The following DOK4 variants were observed in gnomAD, a reference collection of about 807,000 sequenced individuals.
DOK4 encodes the protein docking protein 4.
A neutral mutation model predicts 40.1 loss-of-function variants in DOK4; 26 were observed. The observed-to-expected ratio is 0.65, with a 90% CI of 0.48 to 0.90. The LOEUF (loss-of-function observed/expected upper bound fraction) is 0.90. Ranked by LOEUF, DOK4 falls within the 40% of genes least tolerant of loss-of-function variation. The probability of loss-of-function intolerance (pLI) is 0.00; values close to 1 mark genes in which losing one functional copy is unlikely to be tolerated. For missense variants in DOK4, 392 were observed against 437.2 expected, an observed-to-expected ratio of 0.90 and a Z score of 0.92; for synonymous variants, 179 against 177.0, an observed-to-expected ratio of 1.01 and a Z score of -0.09.
chr16:57,472,902 GCAGT>G (rs781544766), exon 9 of DOK4: 3 of 158,264 alleles, frequency 1.9e-5, no homozygotes, highest in Non-Finnish European at 2.8e-5. Flanking sequence ...GGAAAAGCCA[GCAGT>G]CAGAGTGCCA....
At chr16:57,486,498 C>G (rs1488768766), upstream of DOK4, 1 of 151,068 alleles carries the variant, frequency 6.6e-6, no homozygotes, top group Non-Finnish European at 1.5e-5. Context: ...GACTCCGCTC[C>G]GCTCCCCCCT....
chr16:57,475,205 C>T (rs1412025744), exon 5 of DOK4: 1 of 1,613,484 alleles, frequency 6.2e-7, no homozygotes, highest in Non-Finnish European at 8.5e-7. Context: ...TTGTACCACT[C>T]CTCTGCCTCT....
chr16:57,475,834 GC>G lies in DOK4; in HGVS notation c.174+15del. 1 of 1,604,214 alleles carries G rather than the reference GC, an allele frequency of 6.2e-7. No individual in the cohort carries two copies. The stretch of plus-strand genomic sequence containing the variant: ...AGCCCTGCCACTTGGGGGAGCTAGG[GC>G]CCAGGCCTCCTAACCTTGGGGCAGC... On this transcript the variant is annotated intron_variant, in intron 3 of 8. Coordinates refer to ENST00000340099, the Ensembl canonical transcript of DOK4.
Position 57,479,445 on chromosome 16 carries a change from G to A in DOK4, c.63C>T (p.Leu21=), listed in dbSNP as rs368155888. 2.3e-5 allele frequency: 37 copies of A among 1,613,512 alleles called. No individual in the cohort carries two copies. Among genetic ancestry groups the A allele is most frequent in the Middle Eastern group, 1.6e-4 (1 of 6,084 alleles). ...TCCGCAGCTCAGGGTCACTCACCCC[G>A]AGCTTCCTGCTCTTCATCTTCACGT... is the stretch of plus-strand genomic sequence containing the variant. The change falls in exon 2 of 9, where the codon CTC becomes CTT. Residue 21 remains leucine (L), a synonymous_variant. Transcript: ENST00000340099. The surrounding 1 kb of genome is among the most constrained non-coding windows in gnomAD (Gnocchi z 5.8).
At chr16:57,474,745 C>T in intron 6 of DOK4, 48 bp downstream of exon 6, 1 of 1,596,860 alleles carries the variant, frequency 6.3e-7, no homozygotes. Context: ...GAATGGCAGC[C>T]ACCATCACAC....
At chr16:57,478,115 TG>T (rs2031264926) in intron 2 of DOK4, among the ~76,000 whole-genome samples, 1 of 152,222 alleles carries the variant, frequency 6.6e-6, no homozygotes, top group Non-Finnish European at 1.5e-5. Flanking sequence ...TCTGCTTCCT[TG>T]GCCTCCCTAC....
At chr16:57,475,272 G>A (rs147240098) in intron 4 of DOK4, 53 bp from the exon 5 acceptor site, 50,267 of 1,585,574 alleles carry the variant, frequency 0.032, 953 homozygotes, top group Non-Finnish European at 0.037. Flanking sequence ...AGCCCACCCC[G>A]TCTGCCCAGC....
At chr16:57,475,259 G>C (rs201262469) in intron 4 of DOK4, 40 bp from the exon 5 acceptor site, 51 of 1,593,868 alleles carry the variant, frequency 3.2e-5, no homozygotes, top group Non-Finnish European at 4.0e-5. Context: ...TCCAGAGCCC[G>C]GTAGCCCACC....
chr16:57,481,721 G>A (rs998399105), intron 1 of DOK4: 1 of 152,162 alleles, frequency 6.6e-6, no homozygotes, highest in Non-Finnish European at 1.5e-5. Context: ...CTGGCTGTGT[G>A]GTCCTGGGCA....
At position 57,473,890 on chromosome 16, in the gene DOK4, C is replaced by T. The variant is rs1178517284; in HGVS notation, c.738+11G>A. 12 of 1,613,084 alleles carry T rather than the reference C, an allele frequency of 7.4e-6. No homozygotes were observed. Among genetic ancestry groups the T allele is most frequent in the East Asian group, 2.2e-5 (1 of 44,864 alleles). On this transcript the variant is annotated intron_variant, in intron 7 of 8. Transcript: ENST00000340099. ...TCCCCCCGTACCCTGGACTGATGCCCGCTGCCTCACCCTCACGTTCTTCTC... is the reference window on the plus strand; with the variant it reads ...TCCCCCCGTACCCTGGACTGATGCCTGCTGCCTCACCCTCACGTTCTTCTC...
intron 1 of DOK4, chr16:57,484,002 A>C (rs1463367547): frequency 6.6e-6 from 1 of 152,356 alleles, no homozygotes; most frequent in African/African-American, 2.4e-5. Flanking sequence ...AGGGAGAGCC[A>C]GCTCCAAAAT....
exon 5 of DOK4, chr16:57,475,158 G>A (rs749843316): frequency 1.1e-5 from 18 of 1,613,770 alleles, no homozygotes; most frequent in Middle Eastern, 1.6e-4. Flanking sequence ...GACTGATGTC[G>A]TTGAGGCGGG....
At position 57,473,681 on chromosome 16, in the gene DOK4, A is replaced by C. The variant is rs1401733685; in HGVS notation, c.794T>G (p.Leu265Arg). The change falls in exon 8 of 9, where the codon CTG becomes CGG. Residue 265 changes from leucine to arginine, a missense_variant. Transcript: ENST00000340099. Reference sequence around the variant, plus strand: ...GTGGTGCCAGTAGGCACTGCGCGGCAGCATGGTCGTGGGTGTGCAGGGATA... The same window carrying C: ...GTGGTGCCAGTAGGCACTGCGCGGCCGCATGGTCGTGGGTGTGCAGGGATA... 7 of 1,614,092 alleles carry C rather than the reference A, an allele frequency of 4.3e-6. No individual in the cohort carries two copies. Among genetic ancestry groups the C allele is most frequent in the Non-Finnish European group, 5.9e-6 (7 of 1,180,026 alleles).
At chr16:57,476,208 T>C (rs1467124882) in intron 2 of DOK4, 20 of 518,140 alleles carry the variant, frequency 3.9e-5, no homozygotes, top group Non-Finnish European at 6.7e-5. Context: ...GGTGCTCTCC[T>C]GACCTGCCAT....
At chr16:57,472,264 G>C (rs2030887419) in exon 9 of DOK4, 1 of 152,456 alleles carries the variant, frequency 6.6e-6, no homozygotes, top group South Asian at 2.1e-4. Flanking sequence ...CCACAAATCA[G>C]GACCCTAAAG....
chr16:57,472,257 CA>C (rs2030886819), exon 9 of DOK4: 1 of 152,576 alleles, frequency 6.6e-6, no homozygotes. Context: ...TCTGTTCCCA[CA>C]AATCAGGACC....
intron 2 of DOK4, chr16:57,476,189 TC>T: frequency 1.8e-6 from 1 of 547,398 alleles, no homozygotes; most frequent in South Asian, 2.0e-5. Context: ...AAAACGCTGT[TC>T]CACAAAGGGT....
intron 3 of DOK4, 61 bp downstream of exon 3, chr16:57,475,789 T>C: frequency 1.6e-6 from 2 of 1,234,092 alleles, no homozygotes; most frequent in South Asian, 1.2e-5. Flanking sequence ...TCTCTCCCTC[T>C]CTCTCTCTCC....
At chr16:57,482,528 G>A (rs985806058) in intron 1 of DOK4, among the ~76,000 whole-genome samples, 9 of 151,454 alleles carry the variant, frequency 5.9e-5, no homozygotes, top group Non-Finnish European at 1.0e-4. Flanking sequence ...CACCATACCC[G>A]GCTAATTGTT....
Sources: gnomAD v4.1 joint callset for allele counts (sites outside exome capture counted in the v4.1 genomes callset) on GRCh38, gnomAD v4.1.1 for gene constraint, Gnocchi (gnomAD v3.1) non-coding constraint, MANE v1.5 for transcripts, NCBI Gene and HGNC (gene_info 2026-07-23, HGNC 2026-07-21) for gene names.